The following GRIN2B variants were observed in gnomAD, a reference collection of about 807,000 sequenced individuals.
GRIN2B encodes glutamate ionotropic receptor NMDA type subunit 2B, also known as glutamate receptor ionotropic, NMDA 2B.
In GRIN2B, 5 loss-of-function variants were observed where a neutral mutation model predicts 114.5. The ratio of observed to expected loss-of-function variants is 0.04; its 90% CI spans 0.02 to 0.09. The LOEUF (loss-of-function observed/expected upper bound fraction) is 0.09, where lower values mean the gene tolerates loss of function less well. Among genes scored for constraint, GRIN2B ranks in the 10% least tolerant of loss-of-function variants. GRIN2B has a pLI of 1.00. For missense variants in GRIN2B, 1,108 were observed against 1,943.5 expected, an observed-to-expected ratio of 0.57 and a Z score of 8.08; for synonymous variants, 787 against 745.1, an observed-to-expected ratio of 1.06 and a Z score of -0.92.
At chr12:13,606,462 C>G (rs1949248864) in intron 10 of GRIN2B, among the ~76,000 whole-genome samples, 1 of 152,186 alleles carries the variant, frequency 6.6e-6, no homozygotes, top group Non-Finnish European at 1.5e-5. Flanking sequence ...CAGTCCCACC[C>G]CTCCCAAGGG....
chr12:13,592,914 A>T (rs922879311), intron 10 of GRIN2B, among the ~76,000 whole-genome samples: 1 of 152,222 alleles, frequency 6.6e-6, no homozygotes, highest in Non-Finnish European at 1.5e-5. Flanking sequence ...TAAAGGGTTA[A>T]ACTGGAAGTT....
Position 13,544,052 on chromosome 12 carries a change from C to T in GRIN2B, c.*18731G>A, listed in dbSNP as rs1190867339. 1 of 152,136 alleles carries T rather than the reference C, an allele frequency of 6.6e-6. No homozygotes were observed. Among genetic ancestry groups the T allele is most frequent in the Admixed American group, 6.5e-5 (1 of 15,282 alleles). The allele number at this position is 152,136 out of a possible 1,614,324, so 9.4% of individuals were successfully genotyped here. A position where few individuals can be genotyped will look rare whatever the true frequency, so the allele number is the denominator to read the frequency against. ...CAACATAAAATGGGCTGTTATTTTTCCCATCTTAAAAAAAGAAGTCCCTCC... is the reference window on the plus strand; with the variant it reads ...CAACATAAAATGGGCTGTTATTTTTTCCATCTTAAAAAAAGAAGTCCCTCC... On this transcript the variant is annotated 3_prime_UTR_variant, in exon 14 of 14. Transcript: ENST00000609686.
intron 3 of GRIN2B, among the ~76,000 whole-genome samples, chr12:13,841,532 G>A (rs1332493058): frequency 6.6e-6 from 1 of 152,166 alleles, no homozygotes; most frequent in African/African-American, 2.4e-5. Context: ...TCACTGTGCT[G>A]TAATTTCTGT....
At chr12:13,957,427 G>A (rs187056533) in intron 2 of GRIN2B, among the ~76,000 whole-genome samples, 543 of 152,242 alleles carry the variant, frequency 3.6e-3, no homozygotes, top group Admixed American at 7.3e-3. Flanking sequence ...GTATCTCTCC[G>A]TGGAAATTAA....
Position 13,812,264 on chromosome 12 carries a change from G to A in GRIN2B, c.411+53534C>T, listed in dbSNP as rs545405911. 2.0e-5 allele frequency among the ~76,000 whole-genome samples: 3 copies of A among 152,028 alleles called. No individual in the cohort carries two copies. In the South Asian group the frequency reaches 6.2e-4, roughly 32 times the overall value. On this transcript the variant is annotated intron_variant, in intron 3 of 13. Coordinates refer to ENST00000609686, the MANE Select transcript of GRIN2B (RefSeq NM_000834.5). ...AAGAAACTGCAAAAAAAAAAAGTCA[G>A]AATTCTTTTCTTCTACATGGGAACA...
intron 3 of GRIN2B, among the ~76,000 whole-genome samples, chr12:13,840,050 G>A (rs1865350560): frequency 6.6e-6 from 1 of 152,208 alleles, no homozygotes; most frequent in African/African-American, 2.4e-5. Flanking sequence ...TTACCTTAGA[G>A]TGAGGGATCA....
At chr12:13,886,358 G>C (rs976165204) in intron 2 of GRIN2B, among the ~76,000 whole-genome samples, 1 of 152,138 alleles carries the variant, frequency 6.6e-6, no homozygotes, top group Non-Finnish European at 1.5e-5. Flanking sequence ...CACCCCACAT[G>C]CTCTGGCTTT....
At chr12:13,665,167 T>TTTG (rs1949962335) in intron 5 of GRIN2B, among the ~76,000 whole-genome samples, 3 of 149,694 alleles carry the variant, frequency 2.0e-5, no homozygotes, top group African/African-American at 7.4e-5. Flanking sequence ...GTGTGTGTGT[T>TTTG]TGTGTGTGTG....
Position 13,760,381 on chromosome 12 carries a change from C to T in GRIN2B, c.412-6466G>A, listed in dbSNP as rs185294256. Among the ~76,000 whole-genome samples the T allele has an allele frequency of 1.6e-3, 241 of 152,308 alleles. 1 individual carries two copies. Among genetic ancestry groups the T allele is most frequent in the Non-Finnish European group, 2.6e-3 (174 of 68,022 alleles). ...GCAACCAGATGCTCTCAAATCTAAC[C>T]TATCTTTGTTGGCTATCCAACTGTG... On this transcript the variant is annotated intron_variant, in intron 3 of 13. Coordinates refer to ENST00000609686, the MANE Select transcript of GRIN2B (RefSeq NM_000834.5).
chr12:13,783,566 T>A (rs1864161656), intron 3 of GRIN2B, among the ~76,000 whole-genome samples: 1 of 151,992 alleles, frequency 6.6e-6, no homozygotes, highest in African/African-American at 2.4e-5. Context: ...AATACTGCAG[T>A]AATAAGACGC....
chr12:13,958,336 C>T (rs1237459031), intron 2 of GRIN2B, among the ~76,000 whole-genome samples: 1 of 152,134 alleles, frequency 6.6e-6, no homozygotes, highest in Non-Finnish European at 1.5e-5. Context: ...AGAACTGAGT[C>T]CAAACGCCAG....
At chr12:13,973,935 G>A (rs969337064) in intron 2 of GRIN2B, among the ~76,000 whole-genome samples, 1 of 152,156 alleles carries the variant, frequency 6.6e-6, no homozygotes, top group African/African-American at 2.4e-5. Flanking sequence ...GACTGAAGGT[G>A]TCTCCCCAGC....
intron 2 of GRIN2B, among the ~76,000 whole-genome samples, chr12:13,944,822 T>C (rs1867333656): frequency 6.6e-6 from 1 of 152,200 alleles, no homozygotes; most frequent in Admixed American, 6.5e-5. Context: ...CAATTGACTA[T>C]ATGTCTCAGA....
intron 4 of GRIN2B, among the ~76,000 whole-genome samples, chr12:13,739,002 C>G (rs145501761): frequency 2.0e-4 from 31 of 152,114 alleles, no homozygotes; most frequent in African/African-American, 7.5e-4. Context: ...GAAGACAGCA[C>G]GGGAGGAAGT....
chr12:13,908,461 G>T (rs997835363), intron 2 of GRIN2B, among the ~76,000 whole-genome samples: 1 of 152,124 alleles, frequency 6.6e-6, no homozygotes, highest in Non-Finnish European at 1.5e-5. Flanking sequence ...TACAGATGAG[G>T]AAACTAAAGA....
Position 13,605,520 on chromosome 12 carries a change from G to GTCTCTCTCTCTCTCTCTCTCTCTCTCTC in GRIN2B, c.2010+3055_2010+3082dup, listed in dbSNP as rs3081918. Reference sequence around the variant, plus strand: ...GAAATTATTTGCAAAGGTCTTGAAAGTCTCTCTCTCTCTCTCTCTCTCTCT... The same window carrying GTCTCTCTCTCTCTCTCTCTCTCTCTCTC: ...GAAATTATTTGCAAAGGTCTTGAAAGTCTCTCTCTCTCTCTCTCTCTCTCTCTCTCTCTCTCTCTCTCTCTCTCTCTCT... On this transcript the variant is annotated intron_variant, in intron 10 of 13. Transcript: ENST00000609686. Among the ~76,000 whole-genome samples, 322 of 114,928 alleles carry GTCTCTCTCTCTCTCTCTCTCTCTCTCTC rather than the reference G, an allele frequency of 2.8e-3. 7 individuals are homozygous for GTCTCTCTCTCTCTCTCTCTCTCTCTCTC. Among genetic ancestry groups the GTCTCTCTCTCTCTCTCTCTCTCTCTCTC allele is most frequent in the Admixed American group, 4.6e-3 (51 of 11,016 alleles). 75.4% of individuals were successfully genotyped at this position (114,928 alleles called of 152,430 possible).
chr12:13,848,148 G>A (rs971250761), intron 3 of GRIN2B, among the ~76,000 whole-genome samples: 1 of 152,132 alleles, frequency 6.6e-6, no homozygotes, highest in Non-Finnish European at 1.5e-5. Context: ...TGGAATCTGT[G>A]GCCATCAGGA....
rs927302011 is a variant in GRIN2B at position 13,545,975 on chromosome 12, C to A, written c.*16808G>T. 2 of 152,130 alleles carry A rather than the reference C, an allele frequency of 1.3e-5. No homozygotes were observed. Among genetic ancestry groups the A allele is most frequent in the African/African-American group, 2.4e-5 (1 of 41,426 alleles). 9.4% of individuals were successfully genotyped at this position (152,130 alleles called of 1,614,324 possible). On this transcript the variant is annotated 3_prime_UTR_variant, in exon 14 of 14. Transcript: ENST00000609686. ...AATCTGTAAAATGCCTATTTGTAAT[C>A]GAATCTAGCAATTTTCTTTCTGAAG...
rs941928957 is a variant in GRIN2B, at chr12:13,735,555, T to A, written c.1010+17762A>T. On this transcript the variant is annotated intron_variant, in intron 4 of 13. Transcript: ENST00000609686. ...TTTTCATTGTCTCATGGCATAATGC[T>A]GCTATGTTAAGGCAGACTGCTCTCC... 2.0e-5 allele frequency among the ~76,000 whole-genome samples: 3 copies of A among 152,302 alleles called. No individual in the cohort carries two copies. In the East Asian group the frequency reaches 5.8e-4, roughly 29 times the overall value.
Sources: allele counts gnomAD v4.1 joint callset (sites outside exome capture counted in the v4.1 genomes callset), GRCh38; gene constraint gnomAD v4.1.1; transcripts MANE v1.5; gene names NCBI Gene and HGNC (gene_info 2026-07-23, HGNC 2026-07-21).